Variants in MCUB observed in about 807,000 individuals in gnomAD.
MCUB encodes calcium uniporter regulatory subunit MCUb, mitochondrial.
MCUB carries 46 observed loss-of-function variants against 41.4 expected under a neutral mutation model. The observed-to-expected ratio is 1.11, with a 90% CI of 0.88 to 1.42. The LOEUF (loss-of-function observed/expected upper bound fraction) is 1.42, where lower values mean the gene tolerates loss of function less well. MCUB is among the 40% of genes most tolerant of loss of function. The pLI is 0.00. For synonymous variants in MCUB, 148 were observed against 148.2 expected, an observed-to-expected ratio of 1.00 and a Z score of 0.01; for missense variants, 403 against 404.9, an observed-to-expected ratio of 1.00 and a Z score of 0.04.
chr4:109,582,769 T>C (rs867865025), intron 1 of MCUB, among the ~76,000 whole-genome samples: 1 of 152,202 alleles, frequency 6.6e-6, no homozygotes, highest in African/African-American at 2.4e-5. Flanking sequence ...AGGGATCCAG[T>C]TTCAGCTTTC....
At chr4:109,681,744 A>G (rs970324264) in intron 4 of MCUB, among the ~76,000 whole-genome samples, 1 of 152,374 alleles carries the variant, frequency 6.6e-6, no homozygotes, top group Admixed American at 6.5e-5. Flanking sequence ...TCAGGAGCAC[A>G]GTGGACACCC....
chr4:109,601,829 G>C (rs1289950416), intron 1 of MCUB, among the ~76,000 whole-genome samples: 3 of 152,062 alleles, frequency 2.0e-5, no homozygotes, highest in African/African-American at 7.2e-5. Context: ...CTCCTTAGTG[G>C]TTGTATTAAT....
chr4:109,597,993 G>C (rs1193730553), intron 1 of MCUB, among the ~76,000 whole-genome samples: 1 of 150,298 alleles, frequency 6.7e-6, no homozygotes, highest in East Asian at 2.0e-4. Context: ...CATCTCAGAC[G>C]ATGGGCGGCC....
intron 1 of MCUB, among the ~76,000 whole-genome samples, chr4:109,612,642 A>G (rs867415741): frequency 2.6e-5 from 4 of 152,116 alleles, no homozygotes; most frequent in African/African-American, 9.7e-5. Context: ...TTATCTTTCA[A>G]AGGCTCAATC....
chr4:109,597,174 T>TC (rs1489801357), intron 1 of MCUB, among the ~76,000 whole-genome samples: 1 of 152,070 alleles, frequency 6.6e-6, no homozygotes, highest in African/African-American at 2.4e-5. Flanking sequence ...CTCAATCTTT[T>TC]CCCCACCTTT....
chr4:109,623,241 A>G (rs1728291612), intron 1 of MCUB, among the ~76,000 whole-genome samples: 1 of 152,232 alleles, frequency 6.6e-6, no homozygotes, highest in African/African-American at 2.4e-5. Context: ...CTGATTGATA[A>G]TATCGAAAAA....
chr4:109,591,001 C>T (rs910620598), intron 1 of MCUB, among the ~76,000 whole-genome samples: 1 of 152,110 alleles, frequency 6.6e-6, no homozygotes, highest in East Asian at 1.9e-4. Context: ...CTCAAAATCT[C>T]AAATGTTCCT....
intron 1 of MCUB, among the ~76,000 whole-genome samples, chr4:109,564,981 G>A (rs1726737250): frequency 6.6e-6 from 1 of 152,128 alleles, no homozygotes; most frequent in Admixed American, 6.5e-5. Context: ...ACCTTCGATG[G>A]GCAAAGCAGC....
chr4:109,610,684 C>T (rs1018459575), intron 1 of MCUB, among the ~76,000 whole-genome samples: 2 of 152,126 alleles, frequency 1.3e-5, no homozygotes, highest in African/African-American at 2.4e-5. Flanking sequence ...CATCCTTAGG[C>T]GATTTCATCA....
chr4:109,591,944 C>T (rs1373040416), intron 1 of MCUB, among the ~76,000 whole-genome samples: 1 of 152,068 alleles, frequency 6.6e-6, no homozygotes. Flanking sequence ...AGGTGATCCA[C>T]CTGCCTCAGC....
chr4:109,618,155 C>T (rs1399428471), intron 1 of MCUB, among the ~76,000 whole-genome samples: 4 of 152,160 alleles, frequency 2.6e-5, no homozygotes, highest in Non-Finnish European at 4.4e-5. Context: ...CACAGGAACT[C>T]GGGAGTTTGC....
chr4:109,614,533 G>A (rs1017436868), intron 1 of MCUB, among the ~76,000 whole-genome samples: 4 of 151,492 alleles, frequency 2.6e-5, no homozygotes, highest in African/African-American at 4.9e-5. Context: ...ACCCACACCA[G>A]AACCCAACAT....
At chr4:109,566,769 A>G (rs1219984089) in intron 1 of MCUB, among the ~76,000 whole-genome samples, 1 of 152,234 alleles carries the variant, frequency 6.6e-6, no homozygotes, top group Non-Finnish European at 1.5e-5. Flanking sequence ...CACAGAGCTA[A>G]GTGGTGGTAG....
chr4:109,673,944 A>G (rs374872594), intron 4 of MCUB: 13 of 796,546 alleles, frequency 1.6e-5, no homozygotes, highest in South Asian at 1.1e-4. Flanking sequence ...CCATTGGAAT[A>G]GCAGGTTTTG....
chr4:109,582,538 TAAAA>T (rs546583248), intron 1 of MCUB, among the ~76,000 whole-genome samples: 2 of 129,242 alleles, frequency 1.5e-5, no homozygotes, highest in Non-Finnish European at 3.3e-5. Context: ...TAATAAAATT[TAAAA>T]AAAAAATCAC....
chr4:109,648,200 A>G (rs1728878927), intron 1 of MCUB, among the ~76,000 whole-genome samples: 1 of 146,104 alleles, frequency 6.8e-6, no homozygotes, highest in Admixed American at 6.9e-5. Flanking sequence ...TTCAAAACCA[A>G]TGTCCTGTCG....
chr4:109,671,651 C>T (rs180793581), intron 4 of MCUB, among the ~76,000 whole-genome samples: 9 of 152,266 alleles, frequency 5.9e-5, no homozygotes, highest in Non-Finnish European at 1.2e-4. Flanking sequence ...TCCATTAGAG[C>T]CTTTAATCAT....
chr4:109,597,170 C>T (rs1727577527), intron 1 of MCUB, among the ~76,000 whole-genome samples: 1 of 152,082 alleles, frequency 6.6e-6, no homozygotes, highest in South Asian at 2.1e-4. Context: ...ATTTCTCAAT[C>T]TTTTCCCCAC....
At chr4:109,564,331 G>T (rs1726720504) in intron 1 of MCUB, among the ~76,000 whole-genome samples, 1 of 151,906 alleles carries the variant, frequency 6.6e-6, no homozygotes, top group Non-Finnish European at 1.5e-5. Flanking sequence ...GACCGGGTTT[G>T]GTTTCACCAT....
Sources: gnomAD v4.1 joint callset for allele counts (sites outside exome capture counted in the v4.1 genomes callset) on GRCh38, gnomAD v4.1.1 for gene constraint, MANE v1.5 for transcripts, NCBI Gene and HGNC (gene_info 2026-07-23, HGNC 2026-07-21) for gene names.